The following WDR72 variants were observed in gnomAD, a reference collection of about 807,000 sequenced individuals.
WDR72 encodes the protein WD repeat-containing protein 72.
WDR72 carries 120 observed loss-of-function variants against 124.2 expected under a neutral mutation model. That is an observed-to-expected ratio of 0.97 (90% confidence interval 0.83 to 1.12). The LOEUF (loss-of-function observed/expected upper bound fraction) is 1.12. Ranked by LOEUF, WDR72 falls within the 50% of genes most tolerant of loss-of-function variation. The probability of loss-of-function intolerance (pLI) is 0.00; values close to 1 mark genes in which losing one functional copy is unlikely to be tolerated. For missense variants in WDR72, 1,387 were observed against 1,278.8 expected (o/e 1.08, Z -1.29); for synonymous variants, 452 against 441.7 (o/e 1.02, Z -0.29).
At chr15:53,633,142 A>G (rs986066069) in intron 14 of WDR72, among the ~76,000 whole-genome samples, 1 of 152,162 alleles carries the variant, frequency 6.6e-6, no homozygotes, top group Non-Finnish European at 1.5e-5. Context: ...TGTAATCCCC[A>G]ATGCTGGAGG....
chr15:53,598,007 TC>T (rs2012858981), intron 17 of WDR72, among the ~76,000 whole-genome samples: 1 of 152,158 alleles, frequency 6.6e-6, no homozygotes, highest in Admixed American at 6.5e-5. Flanking sequence ...ACATGTCCAC[TC>T]AAGATTCTAT....
At chr15:53,661,133 G>A (rs1271241802) in intron 14 of WDR72, among the ~76,000 whole-genome samples, 6 of 152,162 alleles carry the variant, frequency 3.9e-5, no homozygotes, top group African/African-American at 1.2e-4. Flanking sequence ...ACCCATAGCA[G>A]CAAAATTCTG....
chr15:53,587,132 A>G (rs978418028), intron 18 of WDR72, among the ~76,000 whole-genome samples: 3 of 152,066 alleles, frequency 2.0e-5, no homozygotes, highest in African/African-American at 7.2e-5. Flanking sequence ...CGCCTTTCAC[A>G]GTGAATAACT....
chr15:53,599,151 T>G (rs2012924744), intron 17 of WDR72, among the ~76,000 whole-genome samples: 1 of 152,100 alleles, frequency 6.6e-6, no homozygotes, highest in Non-Finnish European at 1.5e-5. Context: ...ACATATATAT[T>G]AAGTATTATA....
intron 14 of WDR72, among the ~76,000 whole-genome samples, chr15:53,656,263 A>G (rs1394648602): frequency 6.6e-6 from 1 of 151,384 alleles, no homozygotes; most frequent in African/African-American, 2.4e-5. Context: ...AAAAAATTAC[A>G]AATAAATAAA....
At chr15:53,662,248 T>C (rs1172983099) in intron 14 of WDR72, among the ~76,000 whole-genome samples, 1 of 152,212 alleles carries the variant, frequency 6.6e-6, no homozygotes, top group African/African-American at 2.4e-5. Context: ...CTGGCCTTCC[T>C]TTCCTATACC....
chr15:53,558,843 G>C (rs555813028), intron 18 of WDR72, among the ~76,000 whole-genome samples: 2 of 151,924 alleles, frequency 1.3e-5, no homozygotes, highest in Non-Finnish European at 2.9e-5. Flanking sequence ...TGTTTGACGG[G>C]ATTTTTAGTG....
chr15:53,677,954 A>C (rs2016235033), intron 13 of WDR72, among the ~76,000 whole-genome samples: 1 of 152,198 alleles, frequency 6.6e-6, no homozygotes, highest in African/African-American at 2.4e-5. Context: ...ACAGGGTATT[A>C]GTGTTTCCTG....
At chr15:53,681,553 C>T (rs1485928051) in intron 13 of WDR72, among the ~76,000 whole-genome samples, 3 of 152,156 alleles carry the variant, frequency 2.0e-5, no homozygotes, top group Non-Finnish European at 4.4e-5. Flanking sequence ...AAACTGATTA[C>T]AGCCAGTATT....
chr15:53,658,937 T>C (rs78370207), intron 14 of WDR72, among the ~76,000 whole-genome samples: 2,394 of 152,308 alleles, frequency 0.016, 63 homozygotes, highest in African/African-American at 0.054. Context: ...TTTTCAGCAG[T>C]GCAGTAAGGC....
At position 53,587,056 on chromosome 15, in the gene WDR72, G is replaced by C. The variant is rs1279073895; in HGVS notation, c.3148+10023C>G. Among the ~76,000 whole-genome samples the C allele has an allele frequency of 2.0e-5, 3 of 151,970 alleles. No individual in the cohort carries two copies. In the East Asian group the frequency reaches 5.8e-4, roughly 30 times the overall value. ...GGGACTGGGTTTCTCAATGATTGTA[G>C]AGACACTTTATTGGCATTTAGCAGT... On this transcript the variant is annotated intron_variant, in intron 18 of 19. Transcript: ENST00000360509.
rs117824043 is a variant in WDR72 at position 53,715,209 on chromosome 15, G to A, written c.498C>T (p.His166=). Residue 166 remains histidine (H), a synonymous_variant, in exon 5 of 20, where the codon CAC becomes CAT. Coordinates refer to ENST00000360509, the MANE Select transcript of WDR72 (RefSeq NM_182758.4). The stretch of plus-strand genomic sequence containing the variant: ...AACTATTACCTTGAATTCTCATGGA[G>A]TGAACAATGCACATGCAGTTGATCC... The part of the protein sequence containing the change: ...PDWINCMCIV[H]SMRIQEDSLL... The A allele has an allele frequency of 3.7e-6, 6 of 1,613,940 alleles. No homozygotes were observed. Among genetic ancestry groups the A allele is most frequent in the Non-Finnish European group, 8.5e-7 (1 of 1,180,006 alleles).
Position 53,630,522 on chromosome 15 carries a change from C to T in WDR72, c.1963-14279G>A, listed in dbSNP as rs575238798. 2.0e-5 allele frequency among the ~76,000 whole-genome samples: 3 copies of T among 152,220 alleles called. No individual in the cohort carries two copies. In the South Asian group the frequency reaches 6.2e-4, roughly 32 times the overall value. ...AAAAATAATTTTACACCATGAACAACTAGAATTTATCCCACATATAGAGTT... is the reference window on the plus strand; with the variant it reads ...AAAAATAATTTTACACCATGAACAATTAGAATTTATCCCACATATAGAGTT... On this transcript the variant is annotated intron_variant, in intron 14 of 19. Coordinates refer to ENST00000360509, the MANE Select transcript of WDR72 (RefSeq NM_182758.4).
intron 17 of WDR72, among the ~76,000 whole-genome samples, chr15:53,600,220 TTATAAC>T (rs2012982313): frequency 6.6e-6 from 1 of 152,170 alleles, no homozygotes; most frequent in African/African-American, 2.4e-5. Context: ...TATTGACAGT[TTATAAC>T]TATCAGTACT....
At chr15:53,579,470 G>A (rs1216335914) in intron 18 of WDR72, among the ~76,000 whole-genome samples, 1 of 151,992 alleles carries the variant, frequency 6.6e-6, no homozygotes, top group Admixed American at 6.6e-5. Flanking sequence ...TTTGGTGTGT[G>A]GTTCATCTGC....
At chr15:53,628,590 T>TA (rs1229107756) in intron 14 of WDR72, among the ~76,000 whole-genome samples, 1 of 152,104 alleles carries the variant, frequency 6.6e-6, no homozygotes, top group East Asian at 1.9e-4. Flanking sequence ...CTTTAAAACT[T>TA]ATGCCATAAA....
intron 13 of WDR72, among the ~76,000 whole-genome samples, chr15:53,666,414 A>T (rs966571148): frequency 2.0e-5 from 3 of 151,392 alleles, no homozygotes; most frequent in Non-Finnish European, 4.4e-5. Context: ...ACTTAAAGTT[A>T]AAAAAAAAGT....
intron 14 of WDR72, among the ~76,000 whole-genome samples, chr15:53,661,699 AG>A (rs2015615698): frequency 6.6e-6 from 1 of 152,220 alleles, no homozygotes; most frequent in African/African-American, 2.4e-5. Context: ...AAAAGGAGAA[AG>A]AAATGGGTGA....
At chr15:53,630,229 T>C (rs1429470234) in intron 14 of WDR72, among the ~76,000 whole-genome samples, 2 of 152,170 alleles carry the variant, frequency 1.3e-5, no homozygotes, top group Admixed American at 6.5e-5. Context: ...CATCCTTCTA[T>C]ATAGAAAAGA....
Sources: allele counts gnomAD v4.1 joint callset (sites outside exome capture counted in the v4.1 genomes callset), GRCh38; gene constraint gnomAD v4.1.1; transcripts MANE v1.5; gene names NCBI Gene and HGNC (gene_info 2026-07-23, HGNC 2026-07-21).